The following LHFPL3 variants were observed in gnomAD, a reference collection of about 807,000 sequenced individuals.
The protein encoded by LHFPL3 is LHFPL tetraspan subfamily member 3 protein.
A neutral mutation model predicts 19.3 loss-of-function variants in LHFPL3; 5 were observed. That is an observed-to-expected ratio of 0.26 (90% CI 0.14 to 0.54). The LOEUF (loss-of-function observed/expected upper bound fraction) is 0.54, where lower values mean the gene tolerates loss of function less well. LHFPL3 is among the 20% of genes least tolerant of loss of function. The pLI, the probability that LHFPL3 is intolerant of heterozygous loss-of-function variation, is 0.94. For synonymous variants in LHFPL3, 133 were observed against 126.2 expected (o/e 1.05, Z -0.36); for missense variants, 249 against 307.4 (o/e 0.81, Z 1.42).
chr7:104,843,805 G>A (rs1309317479), intron 2 of LHFPL3, among the ~76,000 whole-genome samples: 1 of 152,202 alleles, frequency 6.6e-6, no homozygotes, highest in Non-Finnish European at 1.5e-5. Context: ...AGGTATTGGA[G>A]GGGAAGGAAT....
chr7:104,600,600 G>A (rs989725848), intron 1 of LHFPL3, among the ~76,000 whole-genome samples: 1 of 152,182 alleles, frequency 6.6e-6, no homozygotes, highest in African/African-American at 2.4e-5. Context: ...TCAGAGTGAA[G>A]AAGTAGATTA....
At chr7:104,848,830 C>A (rs192067586) in intron 2 of LHFPL3, among the ~76,000 whole-genome samples, 2 of 152,038 alleles carry the variant, frequency 1.3e-5, no homozygotes, top group Non-Finnish European at 1.5e-5. Context: ...TATCAGCATG[C>A]GAATATGCCA....
At chr7:104,537,607 G>C (rs545130685) in intron 1 of LHFPL3, among the ~76,000 whole-genome samples, 16 of 152,254 alleles carry the variant, frequency 1.1e-4, no homozygotes, top group Admixed American at 3.3e-4. Context: ...TATCTGTCCT[G>C]ATAATCAATA....
intron 1 of LHFPL3, among the ~76,000 whole-genome samples, chr7:104,557,190 A>G (rs997822022): frequency 6.6e-6 from 1 of 152,152 alleles, no homozygotes; most frequent in African/African-American, 2.4e-5. Context: ...ATTTTCAGGT[A>G]TCTTTTCAGC....
chr7:104,590,579 T>G (rs1314570362), intron 1 of LHFPL3, among the ~76,000 whole-genome samples: 1 of 152,228 alleles, frequency 6.6e-6, no homozygotes, highest in East Asian at 1.9e-4. Flanking sequence ...CTGAGAAGAA[T>G]GTATATTCTG....
At chr7:104,479,841 G>A (rs534478635) in intron 1 of LHFPL3, among the ~76,000 whole-genome samples, 6 of 152,278 alleles carry the variant, frequency 3.9e-5, no homozygotes, top group East Asian at 1.9e-4. Flanking sequence ...TACTTACTGC[G>A]TACCACACAC....
In LHFPL3 at chr7:104,653,514, T is replaced by G. The variant is rs189544101; in HGVS notation, c.446-83161T>G. On this transcript the variant is annotated intron_variant, in intron 1 of 2. Transcript: ENST00000424859. ...CAGATAGTAAATAATTTAGGCTTTA[T>G]AGGCCATATATGGTGTCTGTGTCTA... Among the ~76,000 whole-genome samples, 889 of 152,314 alleles carry G rather than the reference T, an allele frequency of 5.8e-3. 9 individuals are homozygous for G. Among genetic ancestry groups the G allele is most frequent in the African/African-American group, 0.02 (848 of 41,564 alleles).
intron 1 of LHFPL3, among the ~76,000 whole-genome samples, chr7:104,335,364 A>G (rs1034503214): frequency 3.3e-5 from 5 of 152,234 alleles, no homozygotes; most frequent in African/African-American, 9.6e-5. Context: ...TTCTAACAAC[A>G]TATTTCACTT....
intron 1 of LHFPL3, among the ~76,000 whole-genome samples, chr7:104,595,167 C>G (rs1400069727): frequency 6.6e-6 from 1 of 152,174 alleles, no homozygotes; most frequent in Admixed American, 6.5e-5. Context: ...TTCTCCCCAT[C>G]TTTGTGGTTA....
intron 1 of LHFPL3, among the ~76,000 whole-genome samples, chr7:104,416,674 TAAAG>T (rs1306902047): frequency 6.6e-6 from 1 of 152,218 alleles, no homozygotes; most frequent in African/African-American, 2.4e-5. Flanking sequence ...CTGGGCAACT[TAAAG>T]AGAATGACAT....
chr7:104,554,029 T>G (rs1354155314), intron 1 of LHFPL3, among the ~76,000 whole-genome samples: 2 of 152,172 alleles, frequency 1.3e-5, no homozygotes, highest in African/African-American at 4.8e-5. Flanking sequence ...ATGATGTGAC[T>G]TTTTCCTGGC....
chr7:104,893,849 G>T (rs1267947599), intron 2 of LHFPL3, among the ~76,000 whole-genome samples: 1 of 151,942 alleles, frequency 6.6e-6, no homozygotes, highest in Non-Finnish European at 1.5e-5. Flanking sequence ...CTACTCAGGA[G>T]GCTGACGTGG....
At chr7:104,383,779 TC>T (rs1790879562) in intron 1 of LHFPL3, among the ~76,000 whole-genome samples, 3 of 152,260 alleles carry the variant, frequency 2.0e-5, no homozygotes, top group African/African-American at 7.2e-5. Flanking sequence ...AGTGCTTTTT[TC>T]TTCCTTTGCC....
chr7:104,549,568 G>A (rs1366092069), intron 1 of LHFPL3, among the ~76,000 whole-genome samples: 1 of 151,556 alleles, frequency 6.6e-6, no homozygotes, highest in Admixed American at 6.6e-5. Context: ...GACCCACAAG[G>A]GACATTTCTG....
At chr7:104,563,624 T>G (rs1381558082) in intron 1 of LHFPL3, among the ~76,000 whole-genome samples, 2 of 152,236 alleles carry the variant, frequency 1.3e-5, no homozygotes, top group East Asian at 3.9e-4. Flanking sequence ...CAGATGGAAA[T>G]GCAGAAATCA....
chr7:104,865,592 C>G (rs891775440), intron 2 of LHFPL3, among the ~76,000 whole-genome samples: 1 of 152,140 alleles, frequency 6.6e-6, no homozygotes, highest in Admixed American at 6.5e-5. Context: ...ACCAAATCTA[C>G]GTCTGACTGG....
intron 1 of LHFPL3, among the ~76,000 whole-genome samples, chr7:104,639,019 C>T (rs1791782230): frequency 6.6e-6 from 1 of 152,014 alleles, no homozygotes; most frequent in South Asian, 2.1e-4. Context: ...CCCCACTCAG[C>T]CTCCCAAAGT....
At chr7:104,606,086 C>G (rs544915553) in intron 1 of LHFPL3, among the ~76,000 whole-genome samples, 1 of 152,262 alleles carries the variant, frequency 6.6e-6, no homozygotes, top group Non-Finnish European at 1.5e-5. Flanking sequence ...GTCTTGAACT[C>G]CTGGCCTCAT....
At chr7:104,391,397 A>C (rs1791065538) in intron 1 of LHFPL3, among the ~76,000 whole-genome samples, 1 of 152,174 alleles carries the variant, frequency 6.6e-6, no homozygotes, top group African/African-American at 2.4e-5. Flanking sequence ...TCAGCTTTCT[A>C]CATATGGCTA....
Sources: gnomAD v4.1 joint callset for allele counts (sites outside exome capture counted in the v4.1 genomes callset) on GRCh38, gnomAD v4.1.1 for gene constraint, MANE v1.5 for transcripts, NCBI Gene and HGNC (gene_info 2026-07-23, HGNC 2026-07-21) for gene names.